Variants in SLC8A1 observed in about 807,000 individuals in gnomAD.
SLC8A1 encodes the protein sodium/calcium exchanger 1.
In SLC8A1, 18 loss-of-function variants were observed where a neutral mutation model predicts 68.3. The ratio of observed to expected loss-of-function variants is 0.26; its 90% CI spans 0.18 to 0.39. SLC8A1 has a LOEUF of 0.39. SLC8A1 is among the 10% of genes least tolerant of loss of function. SLC8A1 has a pLI of 1.00. For missense variants in SLC8A1, 985 were observed against 1,156.7 expected, an observed-to-expected ratio of 0.85 and a Z score of 2.15; for synonymous variants, 475 against 415.5, an observed-to-expected ratio of 1.14 and a Z score of -1.74.
intron 2 of SLC8A1, among the ~76,000 whole-genome samples, chr2:40,302,007 C>T (rs1219543323): frequency 6.7e-6 from 1 of 150,310 alleles, no homozygotes; most frequent in Admixed American, 6.7e-5. Context: ...GTATTACAGG[C>T]ACCTGCCACC....
chr2:40,359,426 T>TG (rs1185940547), intron 2 of SLC8A1, among the ~76,000 whole-genome samples: 1 of 152,150 alleles, frequency 6.6e-6, no homozygotes, highest in Non-Finnish European at 1.5e-5. Context: ...CTTTTAAGTG[T>TG]GAAAAAGGGT....
intron 6 of SLC8A1, among the ~76,000 whole-genome samples, chr2:40,160,146 A>C (rs562167658): frequency 6.6e-6 from 1 of 152,220 alleles, no homozygotes; most frequent in Non-Finnish European, 1.5e-5. Context: ...TTGACAATAC[A>C]GGAAGAGCAC....
intron 2 of SLC8A1, among the ~76,000 whole-genome samples, chr2:40,222,758 T>G (rs2058498827): frequency 6.6e-6 from 1 of 151,916 alleles, no homozygotes; most frequent in South Asian, 2.1e-4. Context: ...CCAATAAACA[T>G]ATGAAAAAAA....
At chr2:40,234,207 G>A (rs913603546) in intron 2 of SLC8A1, among the ~76,000 whole-genome samples, 7 of 152,144 alleles carry the variant, frequency 4.6e-5, no homozygotes, top group Non-Finnish European at 1.0e-4. Context: ...CCATTTTCAT[G>A]ATATTGATTC....
In SLC8A1 at chr2:40,354,394, C is replaced by G; in HGVS notation, c.1808+74079G>C. Among the ~76,000 whole-genome samples the G allele has an allele frequency of 1.3e-5, 2 of 152,186 alleles. 1 individual carries two copies. The highest frequency in any genetic ancestry group is 3.8e-4 in the East Asian group (2 of 5,196). ...TATTTCTTTACCTTCAAGTCACACTCCGTGCACAGCCCACCCATCTGCTGA... is the reference window on the plus strand; with the variant it reads ...TATTTCTTTACCTTCAAGTCACACTGCGTGCACAGCCCACCCATCTGCTGA... On this transcript the variant is annotated intron_variant, in intron 2 of 7. Transcript: ENST00000406785.
At chr2:40,250,909 G>A (rs1424896951) in intron 2 of SLC8A1, 2 of 152,160 alleles carry the variant, frequency 1.3e-5, no homozygotes, top group African/African-American at 4.8e-5. Flanking sequence ...ATACTAAGGA[G>A]GGTCAGAATT....
intron 3 of SLC8A1, among the ~76,000 whole-genome samples, chr2:40,177,144 G>T (rs2048620547): frequency 6.6e-6 from 1 of 152,072 alleles, no homozygotes; most frequent in Admixed American, 6.5e-5. Flanking sequence ...TAGATATGGT[G>T]CCTTTTAAAT....
chr2:40,107,769 C>T (rs2034307478), exon 8 of SLC8A1: 1 of 152,144 alleles, frequency 6.6e-6, no homozygotes. Flanking sequence ...CCTACTTTTA[C>T]ATGTGTGTCT....
intron 4 of SLC8A1, among the ~76,000 whole-genome samples, chr2:40,174,010 T>C (rs951076340): frequency 6.6e-6 from 1 of 152,198 alleles, no homozygotes; most frequent in Non-Finnish European, 1.5e-5. Context: ...CTGAGTACCA[T>C]TCTAAATTTA....
chr2:40,168,372 T>G (rs1410692807), intron 4 of SLC8A1, among the ~76,000 whole-genome samples: 1 of 152,130 alleles, frequency 6.6e-6, no homozygotes, highest in African/African-American at 2.4e-5. Flanking sequence ...ATGCGGAAGT[T>G]CATTCCAGGC....
chr2:40,239,312 G>T (rs1046816845), intron 2 of SLC8A1, among the ~76,000 whole-genome samples: 2 of 152,126 alleles, frequency 1.3e-5, no homozygotes, highest in African/African-American at 4.8e-5. Flanking sequence ...ACCATTAGCT[G>T]TCTGAGTGGC....
intron 1 of SLC8A1, among the ~76,000 whole-genome samples, chr2:40,435,217 A>C (rs1699154643): frequency 5.3e-5 from 8 of 152,176 alleles, no homozygotes; most frequent in Admixed American, 5.2e-4. Flanking sequence ...AAAGCTAAGC[A>C]ATTAATCTGT....
At chr2:40,452,241 G>C (rs1406930535), upstream of SLC8A1, among the ~76,000 whole-genome samples, 1 of 150,292 alleles carries the variant, frequency 6.7e-6, no homozygotes, top group Non-Finnish European at 1.5e-5. Context: ...ACGCGCGCTC[G>C]GCCCCGCGGC....
rs975091050 is a variant in SLC8A1 at position 40,177,929 on chromosome 2, G to A, written c.1809-74C>T. Reference sequence around the variant, plus strand: ...TCATGCTCTTGGTGTCCACCAAGCTGAATGTTACTGTGATGTTATGGAGGG... The same window carrying A: ...TCATGCTCTTGGTGTCCACCAAGCTAAATGTTACTGTGATGTTATGGAGGG... On this transcript the variant is annotated intron_variant, in intron 2 of 7. Transcript: ENST00000406785. 4 of 939,940 alleles carry A rather than the reference G, an allele frequency of 4.3e-6. No individual in the cohort carries two copies. The Admixed American group carries it at 8.0e-5, about 19-fold the overall frequency. The allele number at this position is 939,940 out of a possible 1,614,324, so 58.2% of individuals were successfully genotyped here. A position where few individuals can be genotyped will look rare whatever the true frequency, so the allele number is the denominator to read the frequency against.
At chr2:40,358,155 C>G (rs1475555235) in intron 2 of SLC8A1, among the ~76,000 whole-genome samples, 2 of 151,404 alleles carry the variant, frequency 1.3e-5, no homozygotes, top group Admixed American at 6.6e-5. Flanking sequence ...ATTTATCCAT[C>G]CACTCATCCA....
rs571026819 is a variant in SLC8A1, at chr2:40,334,780, A to T, written c.1808+93693T>A. 1.0e-3 allele frequency among the ~76,000 whole-genome samples: 158 copies of T among 152,324 alleles called. 1 individual carries two copies. The highest frequency in any genetic ancestry group is 3.7e-3 in the African/African-American group (152 of 41,574). ...TAATAGCAAAGCAAAGAGAAATCTA[A>T]TTTGCATCTGGGACATTTAAAATAA... On this transcript the variant is annotated intron_variant, in intron 2 of 7. Coordinates refer to ENST00000406785, the Ensembl canonical transcript of SLC8A1.
intron 2 of SLC8A1, among the ~76,000 whole-genome samples, chr2:40,304,461 C>G (rs2072180303): frequency 6.6e-6 from 1 of 152,146 alleles, no homozygotes; most frequent in African/African-American, 2.4e-5. Flanking sequence ...ACTTGATTCT[C>G]CTAATGAACC....
intron 2 of SLC8A1, among the ~76,000 whole-genome samples, chr2:40,180,505 A>G (rs2049302003): frequency 6.6e-6 from 1 of 152,192 alleles, no homozygotes. Flanking sequence ...TTAGTGGTAC[A>G]TTTCTACAAA....
chr2:40,491,109 T>G (rs1705288374), intron 1 of SLC8A1, among the ~76,000 whole-genome samples: 2 of 152,256 alleles, frequency 1.3e-5, no homozygotes, highest in African/African-American at 4.8e-5. Flanking sequence ...ATTTAACAGT[T>G]GTGAAAGCCT....
Sources: allele counts gnomAD v4.1 joint callset (sites outside exome capture counted in the v4.1 genomes callset), GRCh38; gene constraint gnomAD v4.1.1; transcripts MANE v1.5; gene names NCBI Gene and HGNC (gene_info 2026-07-23, HGNC 2026-07-21).